CUL3: variants seen among roughly 807,000 people sequenced by gnomAD.
The protein encoded by CUL3 is cullin 3.
In CUL3, 19 loss-of-function variants were observed where a neutral mutation model predicts 89.1. That is an observed-to-expected ratio of 0.21 (90% CI 0.15 to 0.31). The LOEUF (loss-of-function observed/expected upper bound fraction) is 0.31. CUL3 is among the 10% of genes least tolerant of loss of function. CUL3 has a pLI of 1.00. For missense variants in CUL3, 469 were observed against 942.3 expected (o/e 0.50, Z 6.58); for synonymous variants, 351 against 308.4 (o/e 1.14, Z -1.45).
intron 1 of CUL3, among the ~76,000 whole-genome samples, chr2:224,569,109 G>A (rs1695117691): frequency 1.3e-5 from 2 of 152,084 alleles, no homozygotes; most frequent in African/African-American, 4.8e-5. Context: ...TTTTAAAAGA[G>A]AAGTAACATT....
At chr2:224,526,041 G>A (rs1050176410) in intron 3 of CUL3, among the ~76,000 whole-genome samples, 4 of 152,286 alleles carry the variant, frequency 2.6e-5, no homozygotes, top group African/African-American at 4.8e-5. Context: ...GAGAGAGTTC[G>A]TGAAATATGA....
At chr2:224,543,297 T>A (rs909007594) in intron 2 of CUL3, among the ~76,000 whole-genome samples, 5 of 152,144 alleles carry the variant, frequency 3.3e-5, no homozygotes, top group African/African-American at 9.7e-5. Context: ...TACAGAAATT[T>A]ATACTTGGCA....
rs186449445 is a variant in CUL3, at chr2:224,512,182, A to G, written c.655-600T>C. ...GCGATCTCAGCTCACTGCAAGCTCC[A>G]CCTCCCGGGTCCACACCATTCTCCT... is the stretch of plus-strand genomic sequence containing the variant. On this transcript the variant is annotated intron_variant, in intron 5 of 15. Transcript: ENST00000264414. 6.7e-3 allele frequency among the ~76,000 whole-genome samples: 1,001 copies of G among 150,518 alleles called. 25 individuals carry two copies. Among genetic ancestry groups the G allele is most frequent in the Admixed American group, 0.047 (715 of 15,062 alleles).
intron 3 of CUL3, among the ~76,000 whole-genome samples, chr2:224,521,077 A>G (rs1693242585): frequency 6.6e-6 from 1 of 152,204 alleles, no homozygotes; most frequent in South Asian, 2.1e-4. Context: ...TAAGTCCAAA[A>G]AACAACTTAA....
intron 2 of CUL3, among the ~76,000 whole-genome samples, chr2:224,540,118 G>C (rs1041156437): frequency 1.3e-5 from 2 of 150,072 alleles, no homozygotes; most frequent in Admixed American, 1.3e-4. Flanking sequence ...GTCCAGTGGC[G>C]CAATCTTGGC....
intron 1 of CUL3, among the ~76,000 whole-genome samples, chr2:224,584,492 C>G (rs578102010): frequency 6.6e-6 from 1 of 152,212 alleles, no homozygotes. Context: ...GAGAGGGCAG[C>G]CCCTTCATCA....
intron 1 of CUL3, among the ~76,000 whole-genome samples, chr2:224,573,087 C>T (rs750694482): frequency 7.2e-5 from 11 of 152,178 alleles, no homozygotes; most frequent in Non-Finnish European, 1.2e-4. Flanking sequence ...TTATTTCTTT[C>T]ATGTTGCATT....
chr2:224,573,973 A>G (rs1409183154), intron 1 of CUL3, among the ~76,000 whole-genome samples: 1 of 152,210 alleles, frequency 6.6e-6, no homozygotes, highest in Non-Finnish European at 1.5e-5. Context: ...GGAGATGAAA[A>G]AGAAAAAGGA....
chr2:224,563,223 A>G (rs200954185), intron 1 of CUL3: 27 of 470,856 alleles, frequency 5.7e-5, no homozygotes, highest in Non-Finnish European at 1.0e-4. Context: ...CTTTTAGAAA[A>G]CATTATTCCC....
At chr2:224,529,617 GA>G (rs535757235) in intron 3 of CUL3, among the ~76,000 whole-genome samples, 5 of 144,512 alleles carry the variant, frequency 3.5e-5, no homozygotes, top group African/African-American at 7.6e-5. Flanking sequence ...CTCTCAAAAA[GA>G]AAAAAAAAAG....
intron 1 of CUL3, among the ~76,000 whole-genome samples, chr2:224,584,105 A>C (rs1028232076): frequency 2.6e-5 from 4 of 152,190 alleles, no homozygotes; most frequent in Non-Finnish European, 4.4e-5. Flanking sequence ...TATACTAAAC[A>C]TCGCAAGGGT....
intron 3 of CUL3, 61 bp downstream of exon 3, chr2:224,535,467 G>T: frequency 1.8e-6 from 2 of 1,131,254 alleles, no homozygotes; most frequent in Non-Finnish European, 1.2e-6. Flanking sequence ...ACCGTGCCCA[G>T]CCTTCAACTT....
chr2:224,507,021 C>CA lies in CUL3; in HGVS notation c.884-19dup. On this transcript the variant is annotated intron_variant, in intron 6 of 15. Transcript: ENST00000264414. ...ACCAAGGTCTACAAATCAGAAAACA[C>CA]AAATTGGCTACATTAAAGATTAAAG... The CA allele has an allele frequency of 1.2e-6, 2 of 1,603,354 alleles. No homozygotes were observed. Among genetic ancestry groups the CA allele is most frequent in the Non-Finnish European group, 1.7e-6 (2 of 1,175,944 alleles).
chr2:224,513,170 G>C (rs13005895), intron 5 of CUL3, among the ~76,000 whole-genome samples: 27,547 of 152,110 alleles, frequency 0.18, 2,795 homozygotes, highest in South Asian at 0.27. Context: ...TATGTTATCT[G>C]TAAGGTTTTC....
At chr2:224,503,914 G>T in intron 8 of CUL3, 92 bp from the exon 9 acceptor site, 1 of 951,794 alleles carries the variant, frequency 1.1e-6, no homozygotes, top group Non-Finnish European at 1.5e-6. Flanking sequence ...ACTATTGTTT[G>T]AAAACATAGA....
intron 13 of CUL3, among the ~76,000 whole-genome samples, chr2:224,487,443 CAAAAAA>C (rs530054431): frequency 7.1e-5 from 2 of 28,064 alleles, no homozygotes; most frequent in African/African-American, 2.0e-4. Flanking sequence ...CCGCCCCCCC[CAAAAAA>C]AAAAAAAAAA....
chr2:224,482,214 G>A, intron 13 of CUL3, 136 bp from the exon 14 acceptor site: 1 of 599,766 alleles, frequency 1.7e-6, no homozygotes, highest in Non-Finnish European at 2.8e-6. Flanking sequence ...GAATTCTCTT[G>A]AGTACTATGA....
In CUL3 at chr2:224,470,859, T is replaced by A. The variant is rs1326437327; in HGVS notation, c.*3386A>T. On this transcript the variant is annotated 3_prime_UTR_variant, in exon 16 of 16. Transcript: ENST00000264414. ...GAATGAGGTACAAAATAAATGAAAA[T>A]TTTTTAATATGGAAAATCATGTCAA... 2.2e-5 allele frequency: 5 copies of A among 229,850 alleles called. No homozygotes were observed. Among genetic ancestry groups the A allele is most frequent in the Non-Finnish European group, 3.4e-5 (4 of 116,032 alleles). 14.2% of individuals were successfully genotyped at this position (229,850 alleles called of 1,614,324 possible).
At chr2:224,500,330 T>A (rs372600420) in intron 11 of CUL3, 33 bp downstream of exon 11, 3 of 1,610,780 alleles carry the variant, frequency 1.9e-6, no homozygotes, top group Non-Finnish European at 2.5e-6. Flanking sequence ...CACTTACTTG[T>A]ACACAGTGAT....
Sources: gnomAD v4.1 joint callset for allele counts (sites outside exome capture counted in the v4.1 genomes callset) on GRCh38, gnomAD v4.1.1 for gene constraint, MANE v1.5 for transcripts, NCBI Gene and HGNC (gene_info 2026-07-23, HGNC 2026-07-21) for gene names.